Variants in SASH3 observed in about 807,000 individuals in gnomAD.
SASH3 encodes the protein SAM and SH3 domain-containing protein 3.
SASH3 carries 7 observed loss-of-function variants against 26.1 expected under a neutral mutation model. That is an observed-to-expected ratio of 0.27 (90% CI 0.15 to 0.50). SASH3 has a LOEUF of 0.50. Among genes scored for constraint, SASH3 ranks in the 20% least tolerant of loss-of-function variants. The pLI, the probability that SASH3 is intolerant of heterozygous loss-of-function variation, is 0.98. For synonymous variants in SASH3, 138 were observed against 136.8 expected (o/e 1.01, Z -0.06); for missense variants, 231 against 318.3 (o/e 0.73, Z 2.09).
intron 3 of SASH3, among the ~76,000 whole-genome samples, chrX:129,790,724 G>T (rs16999568): frequency 0.019 from 2,097 of 111,246 alleles, 46 homozygotes; most frequent in African/African-American, 0.063. Flanking sequence ...TGCCCTGGTT[G>T]AACCTGTTTC....
Position 129,790,945 on chromosome X carries a change from C to T in SASH3, c.306C>T (p.Asp102=). Residue 102 remains aspartate, a synonymous_variant, in exon 4 of 8, where the codon GAC becomes GAT. Coordinates refer to ENST00000356892, the MANE Select transcript of SASH3 (RefSeq NM_018990.4). ...CCCGCCTACCCTCCCTGCAGGCAGA[C>T]ACTCTGGAGGAGGGCTCTGCCTCCC... is the stretch of plus-strand genomic sequence containing the variant. ...MVKALSEEMA[D]TLEEGSASPT... The T allele has an allele frequency of 8.3e-7, 1 of 1,210,795 alleles. No individual in the cohort carries two copies. The highest frequency in any genetic ancestry group is 1.1e-6 in the Non-Finnish European group (1 of 894,952).
At chrX:129,792,873 GA>G in intron 6 of SASH3, 37 bp downstream of exon 6, 1 of 1,180,686 alleles carries the variant, frequency 8.5e-7, no homozygotes, top group Non-Finnish European at 1.1e-6. Flanking sequence ...TAGTATCAGG[GA>G]GGCACAACTG....
chrX:129,792,748 G>A lies in SASH3; in HGVS notation c.713G>A (p.Gly238Glu). 8.3e-7 allele frequency: 1 copy of A among 1,209,983 alleles called. No individual in the cohort carries two copies. The highest frequency in any genetic ancestry group is 1.1e-6 in the Non-Finnish European group (1 of 895,300). Reference sequence around the variant, plus strand: ...GATGTGCTGCCCGAGGAGGCCGTGGGGCATGCCCGCCCCAGCCGCCGACAG... The same window carrying A: ...GATGTGCTGCCCGAGGAGGCCGTGGAGCATGCCCGCCCCAGCCGCCGACAG... ...YVDVLPEEAV[G>E]HARPSRRQSK... Residue 238 changes from glycine (G) to glutamate (E), a missense_variant, in exon 6 of 8, where the codon GGG (glycine) becomes GAG (glutamate). Physicochemically the swap from Gly to Glu is moderately conservative, Grantham distance 98. Coordinates refer to ENST00000356892, the MANE Select transcript of SASH3 (RefSeq NM_018990.4).
rs1027989820 is a variant in SASH3 at position 129,795,070 on chromosome X, G to A, written c.*1238G>A. ...AGCGTCCACTACATCTAGGACTGCC[G>A]GCTAAGTGGACACACTTCTTGACCT... On this transcript the variant is annotated 3_prime_UTR_variant, in exon 8 of 8. Coordinates refer to ENST00000356892, the MANE Select transcript of SASH3 (RefSeq NM_018990.4). 4.5e-5 allele frequency: 5 copies of A among 111,383 alleles called. No homozygotes were observed. Among genetic ancestry groups the A allele is most frequent in the Admixed American group, 9.6e-5 (1 of 10,430 alleles). The allele number at this position is 111,383 out of a possible 1,213,427, so 9.2% of individuals were successfully genotyped here.
intron 3 of SASH3, 85 bp downstream of exon 3, chrX:129,788,662 C>T (rs907168028): frequency 1.5e-5 from 15 of 977,718 alleles, no homozygotes; most frequent in African/African-American, 1.9e-5. Flanking sequence ...ACCTCAATAG[C>T]CACTACTCAG....
rs758489322 is a variant in SASH3 at position 129,793,634 on chromosome X, C to T, written c.953-8C>T. On this transcript the variant is annotated splice_region_variant and splice_polypyrimidine_tract_variant and intron_variant, in intron 7 of 7. Transcript: ENST00000356892. Reference sequence around the variant, plus strand: ...CCATATTCTGTCTCCCTCTCTCGTCCCTGGCAGCTGGCAGTGAGGAGGCTG... The same window carrying T: ...CCATATTCTGTCTCCCTCTCTCGTCTCTGGCAGCTGGCAGTGAGGAGGCTG... The T allele has an allele frequency of 5.5e-5, 67 of 1,208,037 alleles. No individual in the cohort carries two copies. Among genetic ancestry groups the T allele is most frequent in the Non-Finnish European group, 7.3e-5 (65 of 893,178 alleles).
At position 129,793,997 on chromosome X, in the gene SASH3, C is replaced by T. The variant is rs761272381; in HGVS notation, c.*165C>T. 2 of 498,125 alleles carry T rather than the reference C, an allele frequency of 4.0e-6. No individual in the cohort carries two copies. The highest frequency in any genetic ancestry group is 8.0e-5 in the Admixed American group (2 of 25,035). The allele number at this position is 498,125 out of a possible 1,213,427, so 41.1% of individuals were successfully genotyped here. On this transcript the variant is annotated 3_prime_UTR_variant, in exon 8 of 8. Coordinates refer to ENST00000356892, the MANE Select transcript of SASH3 (RefSeq NM_018990.4). The stretch of plus-strand genomic sequence containing the variant: ...GGCCAGGCCAGGGCCCTACAGGTTC[C>T]AGGCTCAGCTGGAGTGGTTGGGGAG...
At chrX:129,792,504 A>G in intron 5 of SASH3, 28 bp downstream of exon 5, 4 of 1,211,304 alleles carry the variant, frequency 3.3e-6, no homozygotes, top group Non-Finnish European at 4.5e-6. Flanking sequence ...GCTTCTCTGG[A>G]GCCTGGCAGG....
chrX:129,783,986 G>A lies in SASH3; in HGVS notation c.57+3832G>A, dbSNP rs369140288. ...GTGGATAAATCATAATTGCGCCACC[G>A]AATGAGTTTCTATAATGTGAACATC... On this transcript the variant is annotated intron_variant, in intron 1 of 7. Transcript: ENST00000356892. Among the ~76,000 whole-genome samples, 14 of 111,199 alleles carry A rather than the reference G, an allele frequency of 1.3e-4. No individual in the cohort carries two copies. The East Asian group carries it at 3.4e-3, about 27-fold the overall frequency.
chrX:129,789,155 AAGAAAGAAAG>A (rs1927177064), intron 3 of SASH3, among the ~76,000 whole-genome samples: 1 of 62,605 alleles, frequency 1.6e-5, no homozygotes. Flanking sequence ...GAAAGAAAGA[AAGAAAGAAAG>A]AGAAAAAAAA....
chrX:129,793,900 C>T lies in SASH3; in HGVS notation c.*68C>T, dbSNP rs747636114. On this transcript the variant is annotated 3_prime_UTR_variant, in exon 8 of 8. Coordinates refer to ENST00000356892, the MANE Select transcript of SASH3 (RefSeq NM_018990.4). The stretch of plus-strand genomic sequence containing the variant: ...GGCTGTAGGAGTGGGCCCAGCCTCC[C>T]GTGGTGGCCCAGGTCCTGAGGACTG... 1.0e-4 allele frequency: 103 copies of T among 1,017,903 alleles called. No individual in the cohort carries two copies. In the Admixed American group the frequency reaches 1.0e-3, roughly 10 times the overall value. 83.9% of individuals were successfully genotyped at this position (1,017,903 alleles called of 1,213,427 possible). A position where few individuals can be genotyped will look rare whatever the true frequency, so the allele number is the denominator to read the frequency against.
chrX:129,787,767 G>T (rs1374158332), intron 1 of SASH3, among the ~76,000 whole-genome samples: 2 of 111,770 alleles, frequency 1.8e-5, no homozygotes, highest in Non-Finnish European at 3.8e-5. Context: ...TCAGGAACTT[G>T]GTCTGTGGCC....
At position 129,788,645 on chromosome X, in the gene SASH3, C is replaced by T. The variant is rs976573349; in HGVS notation, c.300+68C>T. ...GGGGACCGCTCTGGCAGAATGTGAG[C>T]ATGACCACCTCAATAGCCACTACTC... On this transcript the variant is annotated intron_variant, in intron 3 of 7. Coordinates refer to ENST00000356892, the MANE Select transcript of SASH3 (RefSeq NM_018990.4). 1.0e-5 allele frequency: 11 copies of T among 1,064,630 alleles called. No homozygotes were observed. In the African/African-American group the frequency reaches 1.8e-4, roughly 18 times the overall value. 87.7% of individuals were successfully genotyped at this position (1,064,630 alleles called of 1,213,427 possible). A position where few individuals can be genotyped will look rare whatever the true frequency, so the allele number is the denominator to read the frequency against.
intron 3 of SASH3, among the ~76,000 whole-genome samples, chrX:129,789,284 TG>T (rs769134722): frequency 0.02 from 2,236 of 109,945 alleles, 57 homozygotes; most frequent in African/African-American, 0.069. Flanking sequence ...CTCAAAGCTT[TG>T]CTTTGGAACT....
intron 1 of SASH3, among the ~76,000 whole-genome samples, chrX:129,785,885 C>T (rs950252825): frequency 1.8e-5 from 2 of 112,712 alleles, no homozygotes; most frequent in African/African-American, 6.5e-5. Flanking sequence ...CTCTCCGTTC[C>T]CTCTTTTCCA....
chrX:129,784,960 G>A (rs932070696), intron 1 of SASH3, among the ~76,000 whole-genome samples: 1 of 104,087 alleles, frequency 9.6e-6, no homozygotes, highest in Admixed American at 1.1e-4. Flanking sequence ...ATATTGTTGA[G>A]TATACTCAAT....
rs374339545 is a variant in SASH3 at position 129,792,856 on chromosome X, T to C, written c.801+20T>C. 25 of 1,174,603 alleles carry C rather than the reference T, an allele frequency of 2.1e-5. No individual in the cohort carries two copies. Among genetic ancestry groups the C allele is most frequent in the Non-Finnish European group, 2.7e-5 (24 of 877,255 alleles). On this transcript the variant is annotated intron_variant, in intron 6 of 7. Transcript: ENST00000356892. The stretch of plus-strand genomic sequence containing the variant: ...CTGGAGGTTTGAGCTTGGTCCTCAC[T>C]AGTATCTAGTATCAGGGAGGCACAA...
At chrX:129,786,089 C>G (rs1163603363) in intron 1 of SASH3, among the ~76,000 whole-genome samples, 2 of 111,089 alleles carry the variant, frequency 1.8e-5, no homozygotes, top group African/African-American at 6.6e-5. Flanking sequence ...CATGCTTCCC[C>G]TCCCCCACAC....
In SASH3 at chrX:129,788,089, T is replaced by C; in HGVS notation, c.153+19T>C. ...TGATAACGTGAGTTTCAGGGCATCC[T>C]TGTGGGATCTGGCTGCAGGCCCTGG... On this transcript the variant is annotated intron_variant, in intron 2 of 7. Transcript: ENST00000356892. The C allele has an allele frequency of 1.0e-6, 1 of 995,644 alleles. No homozygotes were observed. The highest frequency in any genetic ancestry group is 1.4e-6 in the Non-Finnish European group (1 of 722,285). 82.1% of individuals were successfully genotyped at this position (995,644 alleles called of 1,213,427 possible).
Sources: gnomAD v4.1 joint callset for allele counts (sites outside exome capture counted in the v4.1 genomes callset) on GRCh38, gnomAD v4.1.1 for gene constraint, MANE v1.5 for transcripts, NCBI Gene and HGNC (gene_info 2026-07-23, HGNC 2026-07-21) for gene names.